Variants in MGAM2 observed in about 807,000 individuals in gnomAD.
MGAM2 encodes the protein probable maltase-glucoamylase 2.
In MGAM2, 98 loss-of-function variants were observed where a neutral mutation model predicts 96.1. That is an observed-to-expected ratio of 1.02 (90% CI 0.87 to 1.21). The LOEUF (loss-of-function observed/expected upper bound fraction) is 1.21, where lower values mean the gene tolerates loss of function less well. Ranked by LOEUF, MGAM2 falls within the 50% of genes most tolerant of loss-of-function variation. The pLI, the probability that MGAM2 is intolerant of heterozygous loss-of-function variation, is 0.00. For missense variants in MGAM2, 2,055 were observed against 1,182.4 expected (o/e 1.74, Z -10.82); for synonymous variants, 749 against 414.8 (o/e 1.81, Z -9.79).
chr7:142,172,682 C>T lies in MGAM2; in HGVS notation c.3479C>T (p.Thr1160Ile), dbSNP rs1796233036. The change falls in exon 30 of 48, where the codon ACA (threonine) becomes ATA (isoleucine). Residue 1160 changes from threonine to isoleucine, a missense_variant. Coordinates refer to ENST00000477922, the MANE Select transcript of MGAM2 (RefSeq NM_001293626.2). Reference protein sequence around the residue: ...DVTLQPTPALTYRTTGGILDF... With the variant: ...DVTLQPTPALIYRTTGGILDF... ...ACATTACAGCCCACTCCTGCTCTGA[C>T]ATACCGCACCACAGGAGGGATTTTG... 2.8e-6 allele frequency: 2 copies of T among 705,024 alleles called. No individual in the cohort carries two copies. The highest frequency in any genetic ancestry group is 2.6e-6 in the Non-Finnish European group (1 of 385,878). The allele number at this position is 705,024 out of a possible 1,614,324, so 43.7% of individuals were successfully genotyped here.
chr7:142,188,624 G>A (rs1015601798), intron 36 of MGAM2, among the ~76,000 whole-genome samples: 1 of 152,114 alleles, frequency 6.6e-6, no homozygotes, highest in Admixed American at 6.5e-5. Flanking sequence ...AATGCAGGGG[G>A]TGTTTGACTT....
At chr7:142,161,077 G>A (rs531870003) in intron 21 of MGAM2, 48 bp from the exon 22 acceptor site, 12 of 698,920 alleles carry the variant, frequency 1.7e-5, no homozygotes, top group Non-Finnish European at 2.4e-5. Context: ...GTTTCACATA[G>A]TTCCATCTCA....
intron 2 of MGAM2, among the ~76,000 whole-genome samples, chr7:142,118,382 T>G (rs778908724): frequency 7.9e-5 from 12 of 152,174 alleles, no homozygotes; most frequent in Non-Finnish European, 1.3e-4. Context: ...TATATATATA[T>G]GTACACAAAC....
intron 17 of MGAM2, among the ~76,000 whole-genome samples, chr7:142,155,400 CT>C (rs1235185291): frequency 6.6e-6 from 1 of 152,092 alleles, no homozygotes; most frequent in African/African-American, 2.4e-5. Context: ...AAAGTCCCCC[CT>C]AAGGAGGTGT....
At chr7:142,187,941 C>A in intron 36 of MGAM2, 107 bp downstream of exon 36, 1 of 614,946 alleles carries the variant, frequency 1.6e-6, no homozygotes, top group South Asian at 1.8e-5. Context: ...AAACCATTCT[C>A]CAACATGACA....
intron 24 of MGAM2, 125 bp downstream of exon 24, chr7:142,165,148 A>C: frequency 1.9e-6 from 1 of 522,460 alleles, no homozygotes; most frequent in Non-Finnish European, 3.4e-6. Context: ...CCAACACATC[A>C]CAGAAAGGAT....
Position 142,116,861 on chromosome 7 carries a change from T to C in MGAM2, c.1-13T>C, listed in dbSNP as rs1585136026. 1.6e-5 allele frequency: 11 copies of C among 703,584 alleles called. No homozygotes were observed. The highest frequency in any genetic ancestry group is 2.6e-5 in the Non-Finnish European group (10 of 385,100). The allele number at this position is 703,584 out of a possible 1,614,324, so 43.6% of individuals were successfully genotyped here. A position where few individuals can be genotyped will look rare whatever the true frequency, so the allele number is the denominator to read the frequency against. ...TGTGATTTGTTTTAACCCAATTATC[T>C]GTGTCTATCTAGATGGCGAGGAAGC... On this transcript the variant is annotated splice_polypyrimidine_tract_variant and intron_variant, in intron 1 of 47. Transcript: ENST00000477922.
intron 37 of MGAM2, among the ~76,000 whole-genome samples, chr7:142,194,921 T>G (rs1346000203): frequency 6.6e-6 from 1 of 152,174 alleles, no homozygotes; most frequent in Non-Finnish European, 1.5e-5. Flanking sequence ...TTAGTAGACT[T>G]TCTCTTTTGT....
intron 12 of MGAM2, among the ~76,000 whole-genome samples, chr7:142,142,333 C>T (rs1161956458): frequency 1.3e-5 from 2 of 152,042 alleles, no homozygotes; most frequent in African/African-American, 4.8e-5. Flanking sequence ...TTATTTTGCT[C>T]ACCTAAAATT....
chr7:142,149,635 G>A (rs1795499831), intron 15 of MGAM2, among the ~76,000 whole-genome samples: 1 of 151,994 alleles, frequency 6.6e-6, no homozygotes, highest in African/African-American at 2.4e-5. Context: ...CCGCCTCCTG[G>A]GTTCACGCCA....
At chr7:142,192,600 G>A (rs975183485) in intron 37 of MGAM2, among the ~76,000 whole-genome samples, 3 of 152,120 alleles carry the variant, frequency 2.0e-5, no homozygotes, top group Non-Finnish European at 4.4e-5. Context: ...GGCAAAGAAG[G>A]GGCTTTCAGG....
At chr7:142,114,153 GGAAAGAAAGAAA>G (rs772126693) in intron 1 of MGAM2, among the ~76,000 whole-genome samples, 1,356 of 87,090 alleles carry the variant, frequency 0.016, 62 homozygotes, top group South Asian at 0.038. Context: ...AAAGAAAGAA[GGAAAGAAAGAAA>G]GAAAGAAAGA....
chr7:142,209,340 G>A (rs6977351), intron 46 of MGAM2, among the ~76,000 whole-genome samples: 31,241 of 152,088 alleles, frequency 0.21, 3,453 homozygotes, highest in Non-Finnish European at 0.24. Flanking sequence ...CAGAGACAGA[G>A]GAGGGACAGA....
intron 26 of MGAM2, among the ~76,000 whole-genome samples, chr7:142,167,785 C>G (rs137967414): frequency 3.3e-5 from 5 of 152,042 alleles, no homozygotes; most frequent in Non-Finnish European, 5.9e-5. Context: ...GTTTCCCAGG[C>G]GGTCTCAAAT....
intron 37 of MGAM2, among the ~76,000 whole-genome samples, chr7:142,189,876 G>T (rs1339859255): frequency 6.6e-6 from 1 of 152,132 alleles, no homozygotes; most frequent in Non-Finnish European, 1.5e-5. Flanking sequence ...TATGTGGATT[G>T]CCTATTCTGG....
At chr7:142,142,711 G>A (rs1260214404) in intron 12 of MGAM2, among the ~76,000 whole-genome samples, 1 of 151,782 alleles carries the variant, frequency 6.6e-6, no homozygotes, top group Non-Finnish European at 1.5e-5. Context: ...CACCATGCCT[G>A]GCTGATTTTT....
chr7:142,186,627 C>T (rs1171133695), intron 35 of MGAM2, among the ~76,000 whole-genome samples: 1 of 152,182 alleles, frequency 6.6e-6, no homozygotes, highest in African/African-American at 2.4e-5. Context: ...TGAGATGTCC[C>T]TGGGATATAT....
intron 25 of MGAM2, among the ~76,000 whole-genome samples, 153 bp downstream of exon 25, chr7:142,166,406 G>A (rs1180326764): frequency 1.3e-5 from 2 of 152,122 alleles, no homozygotes; most frequent in Admixed American, 6.6e-5. Flanking sequence ...ATTTTCCTCA[G>A]ACATCCCAAA....
chr7:142,165,170 G>A (rs923235797), intron 24 of MGAM2, 147 bp downstream of exon 24: 29 of 506,776 alleles, frequency 5.7e-5, no homozygotes, highest in Admixed American at 1.1e-4. Context: ...CAGGAGAAAC[G>A]TGTGCATGCT....
Sources: allele counts gnomAD v4.1 joint callset (sites outside exome capture counted in the v4.1 genomes callset), GRCh38; gene constraint gnomAD v4.1.1; transcripts MANE v1.5; gene names NCBI Gene and HGNC (gene_info 2026-07-23, HGNC 2026-07-21).